The following PTN variants were observed in gnomAD, a reference collection of about 807,000 sequenced individuals.
PTN encodes pleiotrophin, also known as heparin affin regulatory protein.
Under a neutral mutation model 24.1 loss-of-function variants are expected in PTN, and 18 were observed. The observed-to-expected ratio is 0.75, with a 90% confidence interval of 0.52 to 1.11. The LOEUF is 1.11. Ranked by LOEUF, PTN falls within the 50% of genes least tolerant of loss-of-function variation. PTN has a pLI of 0.00. For synonymous variants in PTN, 78 were observed against 68.6 expected (o/e 1.14, Z -0.67); for missense variants, 163 against 198.8 (o/e 0.82, Z 1.08).
intron 1 of PTN, among the ~76,000 whole-genome samples, chr7:137,327,713 A>G (rs1363157841): frequency 6.6e-6 from 1 of 152,206 alleles, no homozygotes; most frequent in Non-Finnish European, 1.5e-5. Flanking sequence ...CTTCTCTGAA[A>G]AAAAACCACT....
At chr7:137,278,021 T>A (rs1297353808) in intron 1 of PTN, among the ~76,000 whole-genome samples, 2 of 152,002 alleles carry the variant, frequency 1.3e-5, no homozygotes, top group Admixed American at 1.3e-4. Flanking sequence ...AAAAAATGAC[T>A]ACTGGGCCGG....
intron 1 of PTN, among the ~76,000 whole-genome samples, chr7:137,335,990 C>G (rs1810442418): frequency 6.7e-6 from 1 of 150,284 alleles, no homozygotes; most frequent in Non-Finnish European, 1.5e-5. Context: ...CACATCTTAC[C>G]TCCTCCTCAC....
At chr7:137,339,921 T>C (rs768877204) in intron 1 of PTN, among the ~76,000 whole-genome samples, 3 of 152,236 alleles carry the variant, frequency 2.0e-5, no homozygotes, top group Non-Finnish European at 4.4e-5. Context: ...GAGCAATTCT[T>C]AGAATTAAGA....
At chr7:137,324,417 T>TAAAAAAAAAAAAAAAAAAA (rs1366943397) in intron 1 of PTN, among the ~76,000 whole-genome samples, 1 of 63,476 alleles carries the variant, frequency 1.6e-5, no homozygotes, top group African/African-American at 8.5e-5. Context: ...ACCCTGTCTC[T>TAAAAAAAAAAAAAAAAAAA]AAAAAAAAAA....
intron 1 of PTN, among the ~76,000 whole-genome samples, chr7:137,327,732 C>A (rs753522559): frequency 6.6e-5 from 10 of 152,202 alleles, no homozygotes; most frequent in African/African-American, 2.4e-4. Context: ...CTAAACCACT[C>A]TTTTATCATT....
rs1808620858 is a variant in PTN at position 137,241,109 on chromosome 7, C to G, written c.451+10121G>C. Among the ~76,000 whole-genome samples, 3 of 152,254 alleles carry G rather than the reference C, an allele frequency of 2.0e-5. No homozygotes were observed. In the South Asian group the frequency reaches 6.2e-4, roughly 32 times the overall value. On this transcript the variant is annotated intron_variant, in intron 4 of 4. Transcript: ENST00000348225. ...AGACAGCGAGAGCAAGGAAGTGCCA[C>G]ACTTTAAAACCATCAACTCTCGTGA...
intron 1 of PTN, among the ~76,000 whole-genome samples, chr7:137,336,847 C>T (rs1810457153): frequency 6.6e-6 from 1 of 152,184 alleles, no homozygotes; most frequent in African/African-American, 2.4e-5. Flanking sequence ...CAGTACTTCA[C>T]ATTGATTTTC....
At chr7:137,291,309 ATAC>A (rs918786725) in intron 1 of PTN, among the ~76,000 whole-genome samples, 44 of 152,182 alleles carry the variant, frequency 2.9e-4, no homozygotes, top group African/African-American at 1.0e-3. Flanking sequence ...GCTATATTTT[ATAC>A]TACATGTTTA....
At chr7:137,303,647 A>T (rs966388449) in intron 1 of PTN, among the ~76,000 whole-genome samples, 2 of 152,028 alleles carry the variant, frequency 1.3e-5, no homozygotes, top group Non-Finnish European at 2.9e-5. Context: ...TCAGTAGGAA[A>T]ATCATAATTT....
chr7:137,264,455 G>A (rs1379784390), intron 1 of PTN, among the ~76,000 whole-genome samples: 2 of 152,190 alleles, frequency 1.3e-5, no homozygotes, highest in African/African-American at 4.8e-5. Context: ...GAGTGGACCA[G>A]TCAGCTTCCG....
At chr7:137,279,756 A>G (rs74586609) in intron 1 of PTN, among the ~76,000 whole-genome samples, 9,799 of 152,324 alleles carry the variant, frequency 0.064, 388 homozygotes, top group African/African-American at 0.11. Flanking sequence ...AATTTTGAAC[A>G]AAGAAAGGCC....
intron 1 of PTN, among the ~76,000 whole-genome samples, chr7:137,324,375 CA>C (rs1262786756): frequency 7.1e-6 from 1 of 140,164 alleles, no homozygotes; most frequent in Non-Finnish European, 1.5e-5. Flanking sequence ...CTGTGAATAG[CA>C]ACTGCACTCC....
chr7:137,248,891 A>G (rs990048455), intron 4 of PTN, among the ~76,000 whole-genome samples: 30 of 152,194 alleles, frequency 2.0e-4, no homozygotes, highest in Non-Finnish European at 1.3e-4. Flanking sequence ...TCAATTAATT[A>G]TATCAATTAA....
intron 3 of PTN, 42 bp downstream of exon 3, chr7:137,253,422 T>A: frequency 6.6e-7 from 1 of 1,506,314 alleles, no homozygotes; most frequent in Non-Finnish European, 8.9e-7. Context: ...AATTTGAGAA[T>A]TATCTCAGAG....
intron 1 of PTN, among the ~76,000 whole-genome samples, chr7:137,312,010 T>C (rs1809990212): frequency 6.6e-6 from 1 of 152,288 alleles, no homozygotes; most frequent in Admixed American, 6.5e-5. Context: ...GAATGAGGTA[T>C]GCCCATATAT....
chr7:137,306,960 T>C (rs1393763797), intron 1 of PTN, among the ~76,000 whole-genome samples: 1 of 152,052 alleles, frequency 6.6e-6, no homozygotes. Flanking sequence ...CACCTGCCAG[T>C]GCCTCGCATT....
At chr7:137,273,902 G>T (rs1220168622) in intron 1 of PTN, among the ~76,000 whole-genome samples, 1 of 151,998 alleles carries the variant, frequency 6.6e-6, no homozygotes, top group Non-Finnish European at 1.5e-5. Flanking sequence ...TTATTGTCCT[G>T]GTTTGTCTTT....
intron 1 of PTN, among the ~76,000 whole-genome samples, chr7:137,308,117 G>A (rs998394904): frequency 4.6e-5 from 7 of 152,190 alleles, no homozygotes; most frequent in Admixed American, 1.3e-4. Flanking sequence ...TTCTTACGGC[G>A]TGAATCTTTG....
chr7:137,231,486 A>G (rs1808426321), intron 4 of PTN, among the ~76,000 whole-genome samples: 1 of 151,822 alleles, frequency 6.6e-6, no homozygotes, highest in Non-Finnish European at 1.5e-5. Context: ...TGTGCCTCCC[A>G]TTGATTTTTC....
Sources: gnomAD v4.1 joint callset for allele counts (sites outside exome capture counted in the v4.1 genomes callset) on GRCh38, gnomAD v4.1.1 for gene constraint, MANE v1.5 for transcripts, NCBI Gene and HGNC (gene_info 2026-07-23, HGNC 2026-07-21) for gene names.